The following AHR variants were observed in gnomAD, a reference collection of about 807,000 sequenced individuals.
AHR encodes AH-receptor.
Under a neutral mutation model 86.8 loss-of-function variants are expected in AHR, and 40 were observed. The observed-to-expected ratio is 0.46, with a 90% confidence interval of 0.36 to 0.60. AHR has a LOEUF of 0.60. Among genes scored for constraint, AHR ranks in the 20% least tolerant of loss-of-function variants. The pLI is 0.00. For synonymous variants in AHR, 398 were observed against 354.9 expected, an observed-to-expected ratio of 1.12 and a Z score of -1.37; for missense variants, 1,001 against 1,011.6, an observed-to-expected ratio of 0.99 and a Z score of 0.14.
intron 9 of AHR, among the ~76,000 whole-genome samples, chr7:17,337,717 C>T (rs1350824411): frequency 1.3e-5 from 2 of 150,664 alleles, no homozygotes; most frequent in Non-Finnish European, 3.0e-5. Context: ...CCTCGTGATC[C>T]GCCCGCCTCA....
At position 17,342,505 on chromosome 7, in the gene AHR, G is replaced by T. The variant is rs577383913; in HGVS notation, c.2404-416G>T. Among the ~76,000 whole-genome samples the T allele has an allele frequency of 1.1e-4, 16 of 152,232 alleles. No individual in the cohort carries two copies. In the South Asian group the frequency reaches 2.5e-3, roughly 24 times the overall value. ...TTTTGGAAAAGTTTTGCATTCCAGT[G>T]TAAGATTCCTGAATATAATCAATTC... On this transcript the variant is annotated intron_variant, in intron 10 of 10. Transcript: ENST00000242057.
chr7:17,299,399 C>T, intron 1 of AHR, 70 bp downstream of exon 1: 15 of 1,538,850 alleles, frequency 9.7e-6, no homozygotes, highest in Non-Finnish European at 1.1e-5. Flanking sequence ...GAGGCAGCCC[C>T]ACCCCGCCCC....
rs542270486 is a variant in AHR, at chr7:17,340,160, C to A, written c.2335C>A (p.Gln779Lys). The A allele has an allele frequency of 2.0e-5, 32 of 1,614,220 alleles. No individual in the cohort carries two copies. The East Asian group carries it at 6.7e-4, about 34-fold the overall frequency. Residue 779 changes from glutamine (Q) to lysine (K), a missense_variant, in exon 10 of 11, where the codon CAG becomes AAG. Gln to Lys is a moderately conservative substitution (Grantham distance 53). Coordinates refer to ENST00000242057, the MANE Select transcript of AHR (RefSeq NM_001621.5). Reference sequence around the variant, plus strand: ...GATGTATCAGTGCCAGCCAGAACCTCAGCACACCCACGTGGGTCAGATGCA... The same window carrying A: ...GATGTATCAGTGCCAGCCAGAACCTAAGCACACCCACGTGGGTCAGATGCA... ...VSMYQCQPEP[Q>K]HTHVGQMQYN... is the part of the protein sequence containing the mutation.
chr7:17,324,130 T>C (rs946306388), intron 3 of AHR, among the ~76,000 whole-genome samples: 4 of 152,196 alleles, frequency 2.6e-5, no homozygotes, highest in African/African-American at 7.2e-5. Context: ...ATATGGAATA[T>C]ATATATTTTA....
At position 17,344,904 on chromosome 7, in the gene AHR, C is replaced by G. The variant is rs999598973; in HGVS notation, c.*1840C>G. On this transcript the variant is annotated 3_prime_UTR_variant, in exon 11 of 11. Transcript: ENST00000242057. ...TTGGCCTCCCAAAGTGCTGGGATTA[C>G]AGGCGTGAGCCACTGCATTCAGCTC... The G allele has an allele frequency of 2.6e-5, 4 of 151,124 alleles. No individual in the cohort carries two copies. The highest frequency in any genetic ancestry group is 9.7e-5 in the African/African-American group (4 of 41,148). The allele number at this position is 151,124 out of a possible 1,614,324, so 9.4% of individuals were successfully genotyped here. A position where few individuals can be genotyped will look rare whatever the true frequency, so the allele number is the denominator to read the frequency against.
intron 2 of AHR, among the ~76,000 whole-genome samples, chr7:17,311,002 G>A (rs777035718): frequency 5.9e-5 from 9 of 152,078 alleles, no homozygotes; most frequent in Non-Finnish European, 1.0e-4. Context: ...TAGCATCCCC[G>A]TATCTCAGTT....
In AHR at chr7:17,326,619, A is replaced by G. The variant is rs972832375; in HGVS notation, c.361-1140A>G. ...ACTGAGTGCTGGCTCTGTGCCAAGC[A>G]TTGAGTTAGGTGGGATATCGTCATT... is the stretch of plus-strand genomic sequence containing the variant. On this transcript the variant is annotated intron_variant, in intron 3 of 10. Coordinates refer to ENST00000242057, the MANE Select transcript of AHR (RefSeq NM_001621.5). Among the ~76,000 whole-genome samples the G allele has an allele frequency of 5.3e-5, 8 of 152,182 alleles. 1 individual carries two copies. The South Asian group carries it at 1.7e-3, about 31-fold the overall frequency.
chr7:17,299,436 T>TCCA (rs1781931155), intron 1 of AHR, 107 bp downstream of exon 1: 1 of 1,292,388 alleles, frequency 7.7e-7, no homozygotes, highest in African/African-American at 1.5e-5. Context: ...TGGGATTAGG[T>TCCA]CCATTCCCGG....
intron 4 of AHR, 145 bp from the exon 5 acceptor site, chr7:17,329,807 A>T: frequency 1.5e-6 from 1 of 676,606 alleles, no homozygotes; most frequent in Non-Finnish European, 2.3e-6. Context: ...GTTCTATCTT[A>T]GGTGACTAGG....
At chr7:17,305,149 C>G (rs1781992742) in intron 1 of AHR, among the ~76,000 whole-genome samples, 2 of 152,132 alleles carry the variant, frequency 1.3e-5, no homozygotes, top group African/African-American at 2.4e-5. Flanking sequence ...AGACTTCTGA[C>G]TCATTAAAAG....
At chr7:17,333,606 C>T (rs979777800) in intron 6 of AHR, among the ~76,000 whole-genome samples, 3 of 151,796 alleles carry the variant, frequency 2.0e-5, no homozygotes, top group Non-Finnish European at 2.9e-5. Context: ...GTGCAAGGAG[C>T]TGTGTGAGGT....
chr7:17,300,797 A>G (rs1055382594), intron 1 of AHR, among the ~76,000 whole-genome samples: 9 of 152,190 alleles, frequency 5.9e-5, no homozygotes, highest in African/African-American at 7.2e-5. Flanking sequence ...GTTTATTAAT[A>G]TAATAATACA....
At chr7:17,314,458 CTT>C (rs1782096046) in intron 2 of AHR, among the ~76,000 whole-genome samples, 1 of 151,974 alleles carries the variant, frequency 6.6e-6, no homozygotes, top group Admixed American at 6.6e-5. Flanking sequence ...TCTTTCTTGA[CTT>C]TATTTTAAAT....
In AHR at chr7:17,339,408, C is replaced by T; in HGVS notation, c.1583C>T (p.Pro528Leu). The T allele has an allele frequency of 2.5e-6, 4 of 1,614,136 alleles. No individual in the cohort carries two copies. The highest frequency in any genetic ancestry group is 3.4e-6 in the Non-Finnish European group (4 of 1,180,022). Residue 528 changes from proline to leucine, a missense_variant, in exon 10 of 11, where the codon CCA becomes CTA. By Grantham distance (98) the Pro-to-Leu change is moderately conservative (BLOSUM62 -3). Around this residue, in one of 2 missense-constraint regions of AHR, gnomAD observed 607 missense variants for 543.1 expected, o/e 1.12. Coordinates refer to ENST00000242057, the MANE Select transcript of AHR (RefSeq NM_001621.5). ...GTGAACTCATTTGCTGGAGGTCACC[C>T]AGGGCTCTTTCAAGATAGTAAAAAC... is the stretch of plus-strand genomic sequence containing the variant. Reference protein sequence around the residue: ...QDVNSFAGGHPGLFQDSKNSD... With the variant: ...QDVNSFAGGHLGLFQDSKNSD...
intron 2 of AHR, among the ~76,000 whole-genome samples, chr7:17,321,282 G>T (rs1782169443): frequency 6.6e-6 from 1 of 151,968 alleles, no homozygotes; most frequent in South Asian, 2.1e-4. Context: ...TTGTTGAACA[G>T]TATTGATCCA....
chr7:17,333,562 T>C (rs1782322437), intron 6 of AHR, among the ~76,000 whole-genome samples: 1 of 152,022 alleles, frequency 6.6e-6, no homozygotes, highest in Non-Finnish European at 1.5e-5. Flanking sequence ...ACTTTAGGAC[T>C]TTATCACCAT....
chr7:17,340,197 T>TA lies in AHR; in HGVS notation c.2373dup (p.Leu792ThrfsTer18). On this transcript the variant is annotated frameshift_variant, in exon 10 of 11. Coordinates refer to ENST00000242057, the MANE Select transcript of AHR (RefSeq NM_001621.5). The stretch of plus-strand genomic sequence containing the variant: ...GTGGGTCAGATGCAGTACAATCCAG[T>TA]ACTGCCAGGCCAACAGGCATTTTTA... The TA allele has an allele frequency of 6.2e-7, 1 of 1,611,610 alleles. No individual in the cohort carries two copies. Among genetic ancestry groups the TA allele is most frequent in the Non-Finnish European group, 8.5e-7 (1 of 1,178,514 alleles).
chr7:17,299,707 G>T (rs1584026524), intron 1 of AHR, among the ~76,000 whole-genome samples: 1 of 152,224 alleles, frequency 6.6e-6, no homozygotes, highest in African/African-American at 2.4e-5. Context: ...ATATCCGCAT[G>T]GGTTAGGTTA....
chr7:17,338,459 G>A (rs940509915), intron 9 of AHR, among the ~76,000 whole-genome samples: 9 of 152,118 alleles, frequency 5.9e-5, no homozygotes, highest in African/African-American at 2.2e-4. Flanking sequence ...GGCTCAGGCA[G>A]TCCTCCTGCC....
Sources: gnomAD v4.1 joint callset for allele counts (sites outside exome capture counted in the v4.1 genomes callset) on GRCh38, gnomAD v4.1.1 for gene constraint, gnomAD v4.1.1 regional missense constraint, MANE v1.5 for transcripts, NCBI Gene and HGNC (gene_info 2026-07-23, HGNC 2026-07-21) for gene names.